The following CDKL1 variants were observed in gnomAD, a reference collection of about 807,000 sequenced individuals.
The protein encoded by CDKL1 is cyclin dependent kinase like 1.
A neutral mutation model predicts 42.0 loss-of-function variants in CDKL1; 41 were observed. The observed-to-expected ratio is 0.98, with a 90% CI of 0.76 to 1.27. The LOEUF (loss-of-function observed/expected upper bound fraction) is 1.27, where lower values mean the gene tolerates loss of function less well. Ranked by LOEUF, CDKL1 falls within the 50% of genes most tolerant of loss-of-function variation. CDKL1 has a pLI of 0.00. For missense variants in CDKL1, 394 were observed against 428.4 expected, an observed-to-expected ratio of 0.92 and a Z score of 0.71; for synonymous variants, 153 against 158.6, an observed-to-expected ratio of 0.96 and a Z score of 0.26.
chr14:50,332,253 A>G lies in CDKL1; in HGVS notation c.966+9T>C, dbSNP rs759006115. Reference sequence around the variant, plus strand: ...AGGTGGCAGGTAGGAGATCATTTCAAATTATAACCTTGGATGTTTCTGTAA... The same window carrying G: ...AGGTGGCAGGTAGGAGATCATTTCAGATTATAACCTTGGATGTTTCTGTAA... On this transcript the variant is annotated intron_variant, in intron 9 of 9. Transcript: ENST00000395834. The G allele has an allele frequency of 6.2e-7, 1 of 1,614,144 alleles. No individual in the cohort carries two copies. The highest frequency in any genetic ancestry group is 8.5e-7 in the Non-Finnish European group (1 of 1,180,014).
At chr14:50,372,110 T>G (rs962401912) in intron 2 of CDKL1, among the ~76,000 whole-genome samples, 7 of 150,282 alleles carry the variant, frequency 4.7e-5, no homozygotes, top group African/African-American at 1.5e-4. Context: ...ATTTTTGTTT[T>G]GTTTTGTTTT....
chr14:50,364,468 C>CTAAA (rs1198055049), intron 2 of CDKL1, among the ~76,000 whole-genome samples: 1 of 152,082 alleles, frequency 6.6e-6, no homozygotes, highest in East Asian at 1.9e-4. Context: ...AACTCTGTCT[C>CTAAA]TAAATAAATA....
rs933721127 is a variant in CDKL1 at position 50,328,437 on chromosome 14, T to G, written c.*1637A>C. ...TAGACACCAGACCTCAGTGGATTACTTAAGTAAATGGGGTCAGATGTCATC... is the reference window on the plus strand; with the variant it reads ...TAGACACCAGACCTCAGTGGATTACGTAAGTAAATGGGGTCAGATGTCATC... On this transcript the variant is annotated 3_prime_UTR_variant, in exon 10 of 10. Transcript: ENST00000395834. 1.1e-4 allele frequency: 16 copies of G among 152,140 alleles called. No homozygotes were observed. The highest frequency in any genetic ancestry group is 3.9e-4 in the African/African-American group (16 of 41,422). 9.4% of individuals were successfully genotyped at this position (152,140 alleles called of 1,614,324 possible).
At chr14:50,352,337 T>C (rs554654441) in intron 3 of CDKL1, among the ~76,000 whole-genome samples, 6 of 149,510 alleles carry the variant, frequency 4.0e-5, no homozygotes, top group Admixed American at 2.0e-4. Context: ...TAAGAAAAAA[T>C]ATATATATAT....
At chr14:50,381,502 G>A (rs957694547) in intron 2 of CDKL1, among the ~76,000 whole-genome samples, 1 of 152,104 alleles carries the variant, frequency 6.6e-6, no homozygotes, top group Non-Finnish European at 1.5e-5. Context: ...CTGGCTCACG[G>A]GTCTCTTCTG....
chr14:50,341,722 G>A (rs577770537), intron 5 of CDKL1, among the ~76,000 whole-genome samples: 1 of 151,844 alleles, frequency 6.6e-6, no homozygotes, highest in African/African-American at 2.4e-5. Context: ...TCGAGACTGT[G>A]GTGGGCTGTG....
At position 50,332,507 on chromosome 14, in the gene CDKL1, T is replaced by C; in HGVS notation, c.796-75A>G. On this transcript the variant is annotated intron_variant, in intron 8 of 9. Coordinates refer to ENST00000395834, the MANE Select transcript of CDKL1 (RefSeq NM_004196.7). ...CTTATTAATGTCATTTTTTTCTTCTTTGAAAGATGAAACTTCAGTTGCAAT... is the reference window on the plus strand; with the variant it reads ...CTTATTAATGTCATTTTTTTCTTCTCTGAAAGATGAAACTTCAGTTGCAAT... 2.6e-6 allele frequency: 4 copies of C among 1,531,250 alleles called. No individual in the cohort carries two copies. The South Asian group carries it at 5.2e-5, about 20-fold the overall frequency. The allele number at this position is 1,531,250 out of a possible 1,614,324, so 94.9% of individuals were successfully genotyped here. A position where few individuals can be genotyped will look rare whatever the true frequency, so the allele number is the denominator to read the frequency against.
chr14:50,395,047 T>A (rs939168180), intron 2 of CDKL1, among the ~76,000 whole-genome samples: 1 of 152,202 alleles, frequency 6.6e-6, no homozygotes, highest in Admixed American at 6.5e-5. Flanking sequence ...AAACGGGACA[T>A]GATGATGCTC....
At chr14:50,390,210 T>A in intron 2 of CDKL1, 2 of 1,364,940 alleles carry the variant, frequency 1.5e-6, no homozygotes, top group Non-Finnish European at 2.0e-6. Context: ...TCATAGACAA[T>A]GTCCCAGCTG....
At chr14:50,379,246 A>G (rs1025464995) in intron 2 of CDKL1, among the ~76,000 whole-genome samples, 1 of 152,122 alleles carries the variant, frequency 6.6e-6, no homozygotes, top group Non-Finnish European at 1.5e-5. Flanking sequence ...CAGAGTATTG[A>G]GGAAGGGGCC....
At chr14:50,379,981 C>T in intron 2 of CDKL1, 1 of 393,722 alleles carries the variant, frequency 2.5e-6, no homozygotes, top group East Asian at 7.2e-5. Context: ...GCTACCATGG[C>T]CTCAGGTTAG....
chr14:50,339,465 G>C (rs942636950), intron 6 of CDKL1, among the ~76,000 whole-genome samples: 1 of 140,034 alleles, frequency 7.1e-6, no homozygotes, highest in African/African-American at 2.6e-5. Context: ...TTATAACAGT[G>C]TCTAACATAG....
intron 4 of CDKL1, among the ~76,000 whole-genome samples, chr14:50,344,294 C>CTACTGCAACTGACA (rs1193378908): frequency 1.3e-5 from 2 of 152,174 alleles, no homozygotes; most frequent in Non-Finnish European, 2.9e-5. Flanking sequence ...GGGGTTCCAC[C>CTACTGCAACTGACA]TACTGCAACT....
Position 50,329,403 on chromosome 14 carries a change from G to C in CDKL1, c.*671C>G, listed in dbSNP as rs550941276. Reference sequence around the variant, plus strand: ...TGTAGACAGATTACAGTAAATCCACGTTGCCTGCAAAAGTGACTAAGGTGT... The same window carrying C: ...TGTAGACAGATTACAGTAAATCCACCTTGCCTGCAAAAGTGACTAAGGTGT... On this transcript the variant is annotated 3_prime_UTR_variant, in exon 10 of 10. Transcript: ENST00000395834. The C allele has an allele frequency of 1.3e-5, 2 of 152,124 alleles. No homozygotes were observed. Among genetic ancestry groups the C allele is most frequent in the African/African-American group, 4.8e-5 (2 of 41,406 alleles). 9.4% of individuals were successfully genotyped at this position (152,124 alleles called of 1,614,324 possible). A position where few individuals can be genotyped will look rare whatever the true frequency, so the allele number is the denominator to read the frequency against.
intron 4 of CDKL1, 60 bp downstream of exon 4, chr14:50,344,926 A>C: frequency 7.3e-7 from 1 of 1,360,976 alleles, no homozygotes; most frequent in Admixed American, 1.8e-5. Flanking sequence ...ACTTTGTACA[A>C]GGCTCCACCT....
intron 2 of CDKL1, among the ~76,000 whole-genome samples, chr14:50,367,905 T>A (rs540504467): frequency 6.6e-6 from 1 of 152,362 alleles, no homozygotes; most frequent in East Asian, 1.9e-4. Context: ...GCTGCTATTT[T>A]ATTTTAGTCT....
Position 50,377,732 on chromosome 14 carries a change from G to A in CDKL1, c.168+17969C>T, listed in dbSNP as rs143389479. On this transcript the variant is annotated intron_variant, in intron 2 of 9. Coordinates refer to ENST00000395834, the MANE Select transcript of CDKL1 (RefSeq NM_004196.7). ...TGGGGTGTAAGCTTGCTTCGGCACT[G>A]CAGTGGCACATGAGTGGTATGCGGC... is the stretch of plus-strand genomic sequence containing the variant. 37 of 1,268,076 alleles carry A rather than the reference G, an allele frequency of 2.9e-5. 1 individual carries two copies. The African/African-American group carries it at 5.0e-4, about 17-fold the overall frequency. 78.6% of individuals were successfully genotyped at this position (1,268,076 alleles called of 1,614,324 possible). A position where few individuals can be genotyped will look rare whatever the true frequency, so the allele number is the denominator to read the frequency against.
At chr14:50,354,040 C>T (rs1265698748) in intron 3 of CDKL1, among the ~76,000 whole-genome samples, 12 of 151,536 alleles carry the variant, frequency 7.9e-5, no homozygotes, top group South Asian at 2.1e-4. Context: ...CTGCCACCTC[C>T]GCCTCCCGGG....
At position 50,359,066 on chromosome 14, in the gene CDKL1, G is replaced by A. The variant is rs941696371; in HGVS notation, c.252C>T (p.Asp84=). 1 of 1,613,016 alleles carries A rather than the reference G, an allele frequency of 6.2e-7. No homozygotes were observed. Among genetic ancestry groups the A allele is most frequent in the Non-Finnish European group, 8.5e-7 (1 of 1,179,064 alleles). The change falls in exon 3 of 10, where the codon GAC becomes GAT. Residue 84 remains aspartate (D), a synonymous_variant. Coordinates refer to ENST00000395834, the MANE Select transcript of CDKL1 (RefSeq NM_004196.7). ...RRLHLVFEYC[D]HTVLHELDRY... ...TGTCCAACTCATGGAGAACTGTGTG[G>A]TCACAATATTCAAACACCAGGTGAA... is the stretch of plus-strand genomic sequence containing the variant.
Sources: gnomAD v4.1 joint callset for allele counts (sites outside exome capture counted in the v4.1 genomes callset) on GRCh38, gnomAD v4.1.1 for gene constraint, MANE v1.5 for transcripts, NCBI Gene and HGNC (gene_info 2026-07-23, HGNC 2026-07-21) for gene names.